The following GEMIN7 variants were observed in gnomAD, a reference collection of about 807,000 sequenced individuals.
The protein encoded by GEMIN7 is gem-associated protein 7.
GEMIN7 carries 7 observed loss-of-function variants against 7.8 expected under a neutral mutation model. The observed-to-expected ratio is 0.90, with a 90% CI of 0.51 to 1.69. The LOEUF is 1.69. Among genes scored for constraint, GEMIN7 ranks in the 40% most tolerant of loss-of-function variants. The pLI is 0.00. For missense variants in GEMIN7, 159 were observed against 176.2 expected, an observed-to-expected ratio of 0.90 and a Z score of 0.55; for synonymous variants, 68 against 72.4, an observed-to-expected ratio of 0.94 and a Z score of 0.31.
chr19:45,078,188 G>A (rs754171617), upstream of GEMIN7, among the ~76,000 whole-genome samples: 2 of 132,168 alleles, frequency 1.5e-5, no homozygotes, highest in Non-Finnish European at 3.1e-5. Flanking sequence ...TGCAACCTCC[G>A]CCTCCCGGGT....
chr19:45,078,010 G>A (rs997372097), upstream of GEMIN7, among the ~76,000 whole-genome samples: 2 of 151,706 alleles, frequency 1.3e-5, no homozygotes, highest in East Asian at 3.9e-4. Flanking sequence ...GATTACAGGT[G>A]TGAGACACTG....
At chr19:45,079,678 G>A (rs1967433577) in intron 1 of GEMIN7, among the ~76,000 whole-genome samples, 1 of 152,208 alleles carries the variant, frequency 6.6e-6, no homozygotes, top group Non-Finnish European at 1.5e-5. Flanking sequence ...CCTGGGGGCC[G>A]GGAGGACCTA....
At chr19:45,087,136 C>T (rs982046514) in intron 2 of GEMIN7, among the ~76,000 whole-genome samples, 7 of 151,024 alleles carry the variant, frequency 4.6e-5, no homozygotes, top group Admixed American at 3.3e-4. Context: ...TGAGCCACCG[C>T]GCCCAGCCAA....
intron 2 of GEMIN7, among the ~76,000 whole-genome samples, chr19:45,083,598 TC>T (rs35872746): frequency 0.49 from 61,176 of 125,486 alleles, 15,889 homozygotes; most frequent in Non-Finnish European, 0.53. Context: ...CAATTCTTCT[TC>T]TTTTTTTTTT....
At chr19:45,082,096 G>A (rs1442225234) in intron 2 of GEMIN7, among the ~76,000 whole-genome samples, 1 of 152,054 alleles carries the variant, frequency 6.6e-6, no homozygotes, top group Non-Finnish European at 1.5e-5. Flanking sequence ...GGATCCTGAG[G>A]ACCTTAAGCC....
At chr19:45,083,196 G>A (rs991899163) in intron 2 of GEMIN7, among the ~76,000 whole-genome samples, 6 of 152,078 alleles carry the variant, frequency 3.9e-5, no homozygotes, top group Non-Finnish European at 5.9e-5. Context: ...CTGTAATCCC[G>A]GCACTTTGGG....
upstream of GEMIN7, among the ~76,000 whole-genome samples, chr19:45,077,326 G>A (rs544530516): frequency 6.6e-6 from 1 of 152,226 alleles, no homozygotes; most frequent in South Asian, 2.1e-4. Context: ...ACCAGAAGTC[G>A]CCATTAAAAC....
intron 2 of GEMIN7, chr19:45,085,580 T>A (rs1339150229): frequency 6.6e-6 from 1 of 152,174 alleles, no homozygotes; most frequent in African/African-American, 2.4e-5. Context: ...ACATCCTTGG[T>A]CTATCTGCAG....
intron 2 of GEMIN7, among the ~76,000 whole-genome samples, chr19:45,080,325 CAGAG>C (rs1396006928): frequency 6.6e-6 from 1 of 151,922 alleles, no homozygotes; most frequent in Non-Finnish European, 1.5e-5. Flanking sequence ...GGGTGAGGAC[CAGAG>C]TTTGCTCCCT....
At chr19:45,085,606 G>A (rs1475343536) in intron 2 of GEMIN7, 2 of 152,174 alleles carry the variant, frequency 1.3e-5, no homozygotes, top group African/African-American at 4.8e-5. Flanking sequence ...TGTCTTGCAA[G>A]GGGCTCACAG....
chr19:45,082,199 C>T (rs923523891), intron 2 of GEMIN7, among the ~76,000 whole-genome samples: 1 of 152,100 alleles, frequency 6.6e-6, no homozygotes, highest in African/African-American at 2.4e-5. Context: ...GGCACTCTCT[C>T]TGTCCCTGCC....
In GEMIN7 at chr19:45,083,426, G is replaced by T. The variant is rs550543175; in HGVS notation, c.-9+3397G>T. 3.3e-5 allele frequency among the ~76,000 whole-genome samples: 5 copies of T among 151,922 alleles called. No homozygotes were observed. The South Asian group carries it at 1.0e-3, about 32-fold the overall frequency. ...TGCACCACTGCACTCCAGCCTGGGG[G>T]ATAGAGTGAGACTCCATCCCCAAAA... On this transcript the variant is annotated intron_variant, in intron 2 of 2. Transcript: ENST00000270257.
chr19:45,090,302 G>A lies in GEMIN7; in HGVS notation c.188G>A (p.Arg63Gln), dbSNP rs1967852840. Residue 63 changes from arginine to glutamine, a missense_variant, in exon 3 of 3, where the codon CGG (arginine) becomes CAG (glutamine). Physicochemically the swap from Arg to Gln is conservative, Grantham distance 43. Transcript: ENST00000270257. The stretch of plus-strand genomic sequence containing the variant: ...GAGCAGCGGGCACGAGCCGCCCTTC[G>A]GGAGCGTTACCTCCGCAGCCTGCTG... ...SQEQRARAALRERYLRSLLAM... is the reference protein window; with the variant it reads ...SQEQRARAALQERYLRSLLAM... 1 of 1,614,042 alleles carries A rather than the reference G, an allele frequency of 6.2e-7. No individual in the cohort carries two copies. The highest frequency in any genetic ancestry group is 1.3e-5 in the African/African-American group (1 of 74,934).
intron 1 of GEMIN7, 139 bp from the exon 2 acceptor site, chr19:45,079,767 AG>A (rs934378616): frequency 1.3e-5 from 2 of 152,070 alleles, no homozygotes; most frequent in African/African-American, 2.4e-5. Flanking sequence ...GGAGAAGGGG[AG>A]GGGAGAGATT....
In GEMIN7 at chr19:45,084,042, C is replaced by A. The variant is rs568817968; in HGVS notation, c.-9+4013C>A. Among the ~76,000 whole-genome samples, 9 of 151,894 alleles carry A rather than the reference C, an allele frequency of 5.9e-5. No homozygotes were observed. The East Asian group carries it at 1.6e-3, about 27-fold the overall frequency. ...CCTGGCCAACATGGGGAAACCCCGT[C>A]TCTACTGAAAATAAAAATATCAGCT... On this transcript the variant is annotated intron_variant, in intron 2 of 2. Transcript: ENST00000270257.
intron 2 of GEMIN7, among the ~76,000 whole-genome samples, chr19:45,086,860 T>TG (rs201366083): frequency 5.3e-5 from 8 of 150,320 alleles, no homozygotes; most frequent in African/African-American, 1.5e-4. Context: ...TTTGTTTGTT[T>TG]TTTTCGAGAT....
At position 45,091,373 on chromosome 19, in the gene GEMIN7, C is replaced by A. The variant is rs1271224372; in HGVS notation, c.*863C>A. The A allele has an allele frequency of 6.0e-6, 1 of 167,184 alleles. No homozygotes were observed. Among genetic ancestry groups the A allele is most frequent in the African/African-American group, 2.4e-5 (1 of 41,476 alleles). 10.4% of individuals were successfully genotyped at this position (167,184 alleles called of 1,614,324 possible). A position where few individuals can be genotyped will look rare whatever the true frequency, so the allele number is the denominator to read the frequency against. On this transcript the variant is annotated 3_prime_UTR_variant, in exon 3 of 3. Coordinates refer to ENST00000270257, the MANE Select transcript of GEMIN7 (RefSeq NM_024707.3). ...CCTTGCAGCGTGGCCGTTCACATCA[C>A]GCGCTTCACTAAGCCTCCTATCACT...
At chr19:45,082,335 T>C (rs1967530042) in intron 2 of GEMIN7, among the ~76,000 whole-genome samples, 1 of 152,184 alleles carries the variant, frequency 6.6e-6, no homozygotes, top group Non-Finnish European at 1.5e-5. Flanking sequence ...AGGTCTATGC[T>C]CAAACGTAAT....
chr19:45,089,143 T>C (rs1967806439), intron 2 of GEMIN7, among the ~76,000 whole-genome samples: 2 of 152,124 alleles, frequency 1.3e-5, no homozygotes, highest in Admixed American at 6.6e-5. Flanking sequence ...GGTTTCGCCA[T>C]GTTGACCAGG....
Sources: gnomAD v4.1 joint callset for allele counts (sites outside exome capture counted in the v4.1 genomes callset) on GRCh38, gnomAD v4.1.1 for gene constraint, MANE v1.5 for transcripts, NCBI Gene and HGNC (gene_info 2026-07-23, HGNC 2026-07-21) for gene names.